Variants in RP1 observed in about 807,000 individuals in gnomAD.
RP1 encodes RP1 axonemal microtubule associated, also known as oxygen-regulated protein 1.
In RP1, 16 loss-of-function variants were observed where a neutral mutation model predicts 14.8. That is an observed-to-expected ratio of 1.08 (90% CI 0.73 to 1.65). RP1 has a LOEUF of 1.65. RP1 is among the 40% of genes most tolerant of loss of function. RP1 has a pLI of 0.00. For missense variants in RP1, 2,631 were observed against 2,535.0 expected, an observed-to-expected ratio of 1.04 and a Z score of -0.81; for synonymous variants, 876 against 883.6, an observed-to-expected ratio of 0.99 and a Z score of 0.15.
intron 24 of RP1, among the ~76,000 whole-genome samples, chr8:54,791,167 C>G (rs117177066): frequency 6.6e-6 from 1 of 152,108 alleles, no homozygotes; most frequent in African/African-American, 2.4e-5. Flanking sequence ...TCTAGCAGAA[C>G]GCTTGCAGGC....
intron 12 of RP1, among the ~76,000 whole-genome samples, chr8:54,695,138 G>C (rs1807827418): frequency 1.3e-5 from 2 of 152,134 alleles, no homozygotes; most frequent in Admixed American, 6.6e-5. Flanking sequence ...TTTTGAGTGA[G>C]TTTCTTAATC....
At chr8:54,841,692 A>C (rs1811794447) in intron 25 of RP1, among the ~76,000 whole-genome samples, 1 of 152,240 alleles carries the variant, frequency 6.6e-6, no homozygotes, top group East Asian at 1.9e-4. Context: ...AGCAGCCCGG[A>C]GGAGATGCCG....
intron 12 of RP1, among the ~76,000 whole-genome samples, chr8:54,689,620 C>T (rs1026939949): frequency 1.3e-5 from 2 of 152,104 alleles, no homozygotes; most frequent in African/African-American, 4.8e-5. Context: ...ACTCACTACA[C>T]TCTTGCCATT....
chr8:54,685,523 T>C (rs1161389463), intron 12 of RP1, among the ~76,000 whole-genome samples: 1 of 152,222 alleles, frequency 6.6e-6, no homozygotes, highest in East Asian at 1.9e-4. Context: ...GAGAGACTGT[T>C]ATGATTTCAG....
At chr8:54,768,998 G>A (rs1484856706) in intron 22 of RP1, among the ~76,000 whole-genome samples, 1 of 150,574 alleles carries the variant, frequency 6.6e-6, no homozygotes, top group Non-Finnish European at 1.5e-5. Flanking sequence ...CCAGGTTCAC[G>A]CCTTCTCCTG....
At chr8:54,768,013 T>C (rs1809805813) in intron 22 of RP1, among the ~76,000 whole-genome samples, 1 of 152,208 alleles carries the variant, frequency 6.6e-6, no homozygotes, top group Non-Finnish European at 1.5e-5. Flanking sequence ...ATTGCAAGGC[T>C]AGTGTGGTGA....
chr8:54,562,087 G>C (rs1249336343), intron 1 of RP1, among the ~76,000 whole-genome samples: 1 of 152,128 alleles, frequency 6.6e-6, no homozygotes, highest in Non-Finnish European at 1.5e-5. Flanking sequence ...AGAAATATGA[G>C]ATCCTGACAG....
rs575414176 is a variant in RP1 at position 54,603,578 on chromosome 8, G to A, written c.-12-17377G>A. 3.5e-4 allele frequency among the ~76,000 whole-genome samples: 53 copies of A among 151,868 alleles called. 2 individuals are homozygous for A. In the South Asian group the frequency reaches 0.011, roughly 30 times the overall value. On this transcript the variant is annotated intron_variant, in intron 1 of 22. Transcript: ENST00000636932. The stretch of plus-strand genomic sequence containing the variant: ...AGTTTTTTCCAATTCTGTGAAGAAA[G>A]TCATTGGTAGCTTGATGGGGATGGC...
chr8:54,810,966 C>T (rs1810977777), intron 24 of RP1, among the ~76,000 whole-genome samples: 1 of 152,198 alleles, frequency 6.6e-6, no homozygotes. Flanking sequence ...GAGGGCCAAA[C>T]CCAGGGTGGT....
chr8:54,618,743 C>A (rs1466513095), intron 1 of RP1, among the ~76,000 whole-genome samples: 1 of 152,086 alleles, frequency 6.6e-6, no homozygotes, highest in African/African-American at 2.4e-5. Context: ...GCAACATCTG[C>A]CTCCTGGGTT....
intron 3 of RP1, among the ~76,000 whole-genome samples, chr8:54,638,527 A>G (rs1806395872): frequency 6.6e-6 from 1 of 152,086 alleles, no homozygotes; most frequent in Non-Finnish European, 1.5e-5. Context: ...AAACATTTTA[A>G]AAGCTTTAAA....
intron 4 of RP1, chr8:54,649,169 T>A: frequency 5.5e-6 from 8 of 1,454,018 alleles, no homozygotes; most frequent in Non-Finnish European, 7.2e-6. Context: ...AAACTGAGTA[T>A]AAACTGTTAA....
At chr8:54,836,351 T>C (rs1036039443) in intron 24 of RP1, among the ~76,000 whole-genome samples, 8 of 152,178 alleles carry the variant, frequency 5.3e-5, no homozygotes, top group Admixed American at 1.3e-4. Flanking sequence ...TATGACTATG[T>C]TATGTTCCAT....
chr8:54,710,997 G>A (rs1333221051), intron 15 of RP1, among the ~76,000 whole-genome samples: 3 of 152,234 alleles, frequency 2.0e-5, no homozygotes, highest in Non-Finnish European at 2.9e-5. Flanking sequence ...TTTGCCAGGG[G>A]CCACTCCTGT....
At chr8:54,622,864 G>T (rs750577765) in intron 3 of RP1, among the ~76,000 whole-genome samples, 9 of 152,302 alleles carry the variant, frequency 5.9e-5, no homozygotes, top group Non-Finnish European at 1.2e-4. Flanking sequence ...ATTATCCTTT[G>T]GATAGGGGAG....
chr8:54,859,001 G>C (rs964741142), intron 27 of RP1, among the ~76,000 whole-genome samples: 1 of 152,080 alleles, frequency 6.6e-6, no homozygotes, highest in African/African-American at 2.4e-5. Flanking sequence ...CTATGTCACT[G>C]TAGACTGGTG....
In RP1 at chr8:54,706,764, G is replaced by A. The variant is rs1585623791; in HGVS notation, c.2211+109G>A. The stretch of plus-strand genomic sequence containing the variant: ...TTTTGGAAATTGAATGTTACATGTG[G>A]TGGTCTCCCTTGACTGGTATTTTTA... On this transcript the variant is annotated intron_variant, in intron 15 of 22. Coordinates refer to the RP1 transcript ENST00000636932. 8.3e-6 allele frequency: 9 copies of A among 1,077,984 alleles called. No homozygotes were observed. The East Asian group carries it at 1.8e-4, about 22-fold the overall frequency. 66.8% of individuals were successfully genotyped at this position (1,077,984 alleles called of 1,614,324 possible).
In RP1 at chr8:54,627,822, G is replaced by C. The variant is rs778298401; in HGVS notation, c.3940G>C (p.Ala1314Pro). Reference sequence around the variant, plus strand: ...TACTGATACTGTGTTTTCTGATAAGGCTTGTGCTCAAAAGGAGAACCATAC... The same window carrying C: ...TACTGATACTGTGTTTTCTGATAAGCCTTGTGCTCAAAAGGAGAACCATAC... ...SLTDTVFSDK[A>P]CAQKENHTYE... Residue 1314 changes from alanine to proline, a missense_variant, in exon 4 of 4, where the codon GCT becomes CCT. Physicochemically the swap from Ala to Pro is conservative, Grantham distance 27. Coordinates refer to ENST00000220676, the MANE Select transcript of RP1 (RefSeq NM_006269.2). The C allele has an allele frequency of 3.7e-6, 6 of 1,614,000 alleles. No individual in the cohort carries two copies. The highest frequency in any genetic ancestry group is 3.3e-5 in the Admixed American group (2 of 60,002).
intron 5 of RP1, among the ~76,000 whole-genome samples, chr8:54,654,060 G>T (rs1334709396): frequency 6.6e-6 from 1 of 152,158 alleles, no homozygotes; most frequent in Non-Finnish European, 1.5e-5. Flanking sequence ...CTCACTGCAA[G>T]GGAACTTTGC....
Sources: allele counts gnomAD v4.1 joint callset (sites outside exome capture counted in the v4.1 genomes callset), GRCh38; gene constraint gnomAD v4.1.1; transcripts MANE v1.5; gene names NCBI Gene and HGNC (gene_info 2026-07-23, HGNC 2026-07-21).